The following UBE2E3 variants were observed in gnomAD, a reference collection of about 807,000 sequenced individuals.
The protein encoded by UBE2E3 is ubiquitin conjugating enzyme E2 E3, also known as ubiquitin-conjugating enzyme E2 E3.
A neutral mutation model predicts 23.6 loss-of-function variants in UBE2E3; 5 were observed. That is an observed-to-expected ratio of 0.21 (90% CI 0.11 to 0.44). The LOEUF is 0.44. Among genes scored for constraint, UBE2E3 ranks in the 20% least tolerant of loss-of-function variants. The probability of loss-of-function intolerance (pLI) is 0.99; values close to 1 mark genes in which losing one functional copy is unlikely to be tolerated. For missense variants in UBE2E3, 81 were observed against 249.8 expected, an observed-to-expected ratio of 0.32 and a Z score of 4.55; for synonymous variants, 78 against 87.5, an observed-to-expected ratio of 0.89 and a Z score of 0.60.
At chr2:181,061,688 A>G (rs996187329) in intron 5 of UBE2E3, among the ~76,000 whole-genome samples, 5 of 151,682 alleles carry the variant, frequency 3.3e-5, no homozygotes, top group Non-Finnish European at 7.4e-5. Flanking sequence ...AATGCCTGCC[A>G]CATGTGAACT....
intron 3 of UBE2E3, among the ~76,000 whole-genome samples, chr2:180,993,328 T>C (rs910841008): frequency 6.6e-6 from 1 of 152,218 alleles, no homozygotes; most frequent in Non-Finnish European, 1.5e-5. Flanking sequence ...GGAACTGTGG[T>C]GTAGTCTGCC....
chr2:181,015,810 C>T (rs1685468471), intron 3 of UBE2E3, among the ~76,000 whole-genome samples: 1 of 152,014 alleles, frequency 6.6e-6, no homozygotes, highest in Non-Finnish European at 1.5e-5. Context: ...TTACATGGTC[C>T]TTGTTCCATA....
At chr2:181,039,055 T>TA (rs764739808) in intron 3 of UBE2E3, among the ~76,000 whole-genome samples, 1 of 152,068 alleles carries the variant, frequency 6.6e-6, no homozygotes, top group African/African-American at 2.4e-5. Flanking sequence ...GACTCAGTGT[T>TA]ACTGGTTAAA....
intron 3 of UBE2E3, among the ~76,000 whole-genome samples, chr2:181,018,529 G>A (rs1186231245): frequency 6.6e-6 from 1 of 151,754 alleles, no homozygotes; most frequent in East Asian, 1.9e-4. Flanking sequence ...CGAGGACTCA[G>A]GGGAGTATAG....
chr2:181,022,340 G>T (rs1685730652), intron 3 of UBE2E3, among the ~76,000 whole-genome samples: 1 of 151,782 alleles, frequency 6.6e-6, no homozygotes, highest in Admixed American at 6.6e-5. Flanking sequence ...ATTATTCTCG[G>T]TGGTGTTATG....
intron 3 of UBE2E3, among the ~76,000 whole-genome samples, chr2:181,018,120 C>A (rs974787050): frequency 7.2e-5 from 11 of 152,152 alleles, no homozygotes; most frequent in African/African-American, 2.7e-4. Flanking sequence ...GTGGGACTTT[C>A]ATTTTCTTTA....
chr2:181,037,813 T>A (rs1196739608), intron 3 of UBE2E3, among the ~76,000 whole-genome samples: 1 of 151,856 alleles, frequency 6.6e-6, no homozygotes, highest in Non-Finnish European at 1.5e-5. Flanking sequence ...TACAAAAAAT[T>A]TAAAAATTAG....
chr2:181,010,934 G>T (rs547900985), intron 3 of UBE2E3, among the ~76,000 whole-genome samples: 20 of 151,856 alleles, frequency 1.3e-4, no homozygotes, highest in Non-Finnish European at 2.9e-4. Flanking sequence ...CTTTACTAGT[G>T]AGTGTCTTGA....
At chr2:181,011,280 T>A (rs1008079722) in intron 3 of UBE2E3, among the ~76,000 whole-genome samples, 10 of 152,172 alleles carry the variant, frequency 6.6e-5, no homozygotes, top group African/African-American at 2.4e-4. Context: ...TCTAGGATGC[T>A]GCTTATCCCA....
chr2:181,019,709 A>G (rs1416929397), intron 3 of UBE2E3, among the ~76,000 whole-genome samples: 6 of 152,200 alleles, frequency 3.9e-5, no homozygotes, highest in Admixed American at 1.3e-4. Flanking sequence ...TTAAATATGT[A>G]TAGTTAAGGT....
upstream of UBE2E3, chr2:180,980,417 T>C (rs971877196): frequency 2.0e-5 from 3 of 151,048 alleles, no homozygotes; most frequent in African/African-American, 7.3e-5. The surrounding 1 kb of genome is among the most constrained non-coding windows in gnomAD (Gnocchi z 5.5). Context: ...CCCGCCGCGC[T>C]CTTTGTCCTG....
At chr2:181,021,660 CTTCCTTCT>C (rs1685705177) in intron 3 of UBE2E3, among the ~76,000 whole-genome samples, 1 of 131,754 alleles carries the variant, frequency 7.6e-6, no homozygotes, top group South Asian at 2.6e-4. Flanking sequence ...TCCTTCCTTC[CTTCCTTCT>C]TTCCTTCCTT....
chr2:181,038,373 TATG>T (rs1389169399), intron 3 of UBE2E3, among the ~76,000 whole-genome samples: 2 of 152,230 alleles, frequency 1.3e-5, no homozygotes, highest in Non-Finnish European at 2.9e-5. Context: ...GTAAATACGC[TATG>T]ATGTTTGAAA....
chr2:181,053,403 T>A (rs942533816), intron 3 of UBE2E3, among the ~76,000 whole-genome samples: 3 of 151,874 alleles, frequency 2.0e-5, no homozygotes, highest in African/African-American at 7.2e-5. Flanking sequence ...ATACCTGATT[T>A]CAGAACAAAT....
intron 3 of UBE2E3, among the ~76,000 whole-genome samples, chr2:181,005,432 T>TC (rs1685122036): frequency 1.3e-5 from 2 of 152,320 alleles, no homozygotes; most frequent in African/African-American, 4.8e-5. Context: ...AGGAATGGCA[T>TC]TAATTCCATT....
At chr2:181,004,192 A>G (rs62180127) in intron 3 of UBE2E3, among the ~76,000 whole-genome samples, 35,356 of 152,178 alleles carry the variant, frequency 0.23, 4,479 homozygotes, top group Non-Finnish European at 0.28. Context: ...AAATTAATTG[A>G]CTCAAAGCAA....
At chr2:180,981,115 C>G in intron 1 of UBE2E3, 142 bp downstream of exon 1, 1 of 146,304 alleles carries the variant, frequency 6.8e-6, no homozygotes, top group Non-Finnish European at 1.5e-5. Flanking sequence ...GCCGGCTGGG[C>G]TGCTCGCATC....
chr2:181,045,403 T>A (rs1176377392), intron 3 of UBE2E3, among the ~76,000 whole-genome samples: 1 of 152,208 alleles, frequency 6.6e-6, no homozygotes, highest in Admixed American at 6.5e-5. Flanking sequence ...GCTTCTTACA[T>A]CTTTCTGCAC....
At chr2:181,031,332 T>TA (rs1183664793) in intron 3 of UBE2E3, among the ~76,000 whole-genome samples, 1 of 152,202 alleles carries the variant, frequency 6.6e-6, no homozygotes, top group Non-Finnish European at 1.5e-5. Context: ...AAAAACAAGA[T>TA]ACGTAGAAAT....
Sources: allele counts gnomAD v4.1 joint callset (sites outside exome capture counted in the v4.1 genomes callset), GRCh38; gene constraint gnomAD v4.1.1; non-coding constraint Gnocchi (gnomAD v3.1); transcripts MANE v1.5; gene names NCBI Gene and HGNC (gene_info 2026-07-23, HGNC 2026-07-21).